The following MPPED1 variants were observed in gnomAD, a reference collection of about 807,000 sequenced individuals.
MPPED1 encodes metallophosphoesterase domain containing 1.
A neutral mutation model predicts 36.2 loss-of-function variants in MPPED1; 16 were observed. The ratio of observed to expected loss-of-function variants is 0.44; its 90% CI spans 0.30 to 0.67. The LOEUF (loss-of-function observed/expected upper bound fraction) is 0.67, where lower values mean the gene tolerates loss of function less well. Among genes scored for constraint, MPPED1 ranks in the 30% least tolerant of loss-of-function variants. MPPED1 has a pLI of 0.10. For missense variants in MPPED1, 307 were observed against 453.4 expected (o/e 0.68, Z 2.93); for synonymous variants, 199 against 191.3 (o/e 1.04, Z -0.33).
intron 4 of MPPED1, among the ~76,000 whole-genome samples, chr22:43,495,299 GTGATGGTGGTGA>G (rs1932232197): frequency 1.4e-5 from 2 of 147,128 alleles, no homozygotes; most frequent in Admixed American, 6.7e-5. Flanking sequence ...GGTGATGGAG[GTGATGGTGGTGA>G]TGGTGGTGGT....
chr22:43,467,477 GTGTGCT>G (rs1931212513), intron 3 of MPPED1, among the ~76,000 whole-genome samples: 1 of 152,224 alleles, frequency 6.6e-6, no homozygotes, highest in Non-Finnish European at 1.5e-5. Context: ...AGTCTTCTGT[GTGTGCT>G]TGGCCGTGTG....
chr22:43,464,954 GC>G (rs1422279378), intron 3 of MPPED1, among the ~76,000 whole-genome samples: 1 of 152,196 alleles, frequency 6.6e-6, no homozygotes, highest in African/African-American at 2.4e-5. Context: ...CTATACAAGG[GC>G]CCCTTGGTTC....
chr22:43,446,644 G>A (rs575957959), intron 3 of MPPED1, among the ~76,000 whole-genome samples: 1 of 152,278 alleles, frequency 6.6e-6, no homozygotes, highest in East Asian at 1.9e-4. Context: ...GGGAAGCTTG[G>A]GGGGCTTCAT....
chr22:43,499,688 G>T (rs1482292933), intron 5 of MPPED1, among the ~76,000 whole-genome samples: 1 of 141,646 alleles, frequency 7.1e-6, no homozygotes, highest in Non-Finnish European at 1.5e-5. Context: ...TGGTGGTGAT[G>T]GTGGTGGTGG....
intron 1 of MPPED1, among the ~76,000 whole-genome samples, chr22:43,420,640 G>T (rs768666350): frequency 6.6e-6 from 1 of 152,136 alleles, no homozygotes; most frequent in Admixed American, 6.6e-5. Context: ...GACCTCAGGT[G>T]ATCCTCCCGC....
At position 43,436,753 on chromosome 22, in the gene MPPED1, C is replaced by T. The variant is rs143067226; in HGVS notation, c.406+1538C>T. Among the ~76,000 whole-genome samples, 70 of 152,372 alleles carry T rather than the reference C, an allele frequency of 4.6e-4. 3 individuals are homozygous for T. The East Asian group carries it at 0.012, about 26-fold the overall frequency. ...GTTTCCAGGGCAGAGAGGCTGGAGT[C>T]GCTGTGGGCCAAGCCCCCGCTGTGT... On this transcript the variant is annotated intron_variant, in intron 3 of 6. Coordinates refer to ENST00000443721, the MANE Select transcript of MPPED1 (RefSeq NM_001044370.2).
chr22:43,503,170 G>C (rs781414263), intron 6 of MPPED1, among the ~76,000 whole-genome samples: 1 of 152,168 alleles, frequency 6.6e-6, no homozygotes, highest in Non-Finnish European at 1.5e-5. Context: ...CCAGGGCCTG[G>C]CATACAATAG....
rs556343374 is a variant in MPPED1 at position 43,414,418 on chromosome 22, C to T, written c.-79+2260C>T. 6.6e-5 allele frequency among the ~76,000 whole-genome samples: 10 copies of T among 152,168 alleles called. No individual in the cohort carries two copies. In the East Asian group the frequency reaches 1.4e-3, roughly 21 times the overall value. ...AGGAGAAAAATCAGCATTCTGGGTG[C>T]GGGTCTGGACTTCTGGAAAAAAAGA... On this transcript the variant is annotated intron_variant, in intron 1 of 6. Transcript: ENST00000443721.
At chr22:43,482,403 C>T (rs1158988250) in intron 4 of MPPED1, among the ~76,000 whole-genome samples, 1 of 152,080 alleles carries the variant, frequency 6.6e-6, no homozygotes, top group Non-Finnish European at 1.5e-5. Flanking sequence ...CACTGTCTCC[C>T]GGCAGGGCTG....
Position 43,505,481 on chromosome 22 carries a change from A to C in MPPED1, c.863-17A>C. 1.3e-6 allele frequency: 2 copies of C among 1,593,414 alleles called. No individual in the cohort carries two copies. The highest frequency in any genetic ancestry group is 1.1e-5 in the South Asian group (1 of 87,348). On this transcript the variant is annotated splice_polypyrimidine_tract_variant and intron_variant, in intron 6 of 6. Transcript: ENST00000443721. ...TACTCTGGCTGCTGGCCTGATGGGC[A>C]TGTGCTTACTTTCCAGGGTATGGTG...
chr22:43,412,662 C>G (rs376309453), intron 1 of MPPED1, among the ~76,000 whole-genome samples: 1 of 129,612 alleles, frequency 7.7e-6, no homozygotes, highest in Non-Finnish European at 1.6e-5. Flanking sequence ...CCATTCATCC[C>G]TCCCTCCCAT....
intron 1 of MPPED1, chr22:43,417,711 A>G (rs1373585399): frequency 5.0e-6 from 1 of 198,708 alleles, no homozygotes; most frequent in East Asian, 1.3e-4. Context: ...CCACATTGCA[A>G]CAAAAGCCCT....
intron 4 of MPPED1, among the ~76,000 whole-genome samples, chr22:43,493,857 T>C (rs1021994446): frequency 1.3e-5 from 2 of 151,950 alleles, no homozygotes; most frequent in African/African-American, 4.8e-5. Flanking sequence ...GGGGAGGTGA[T>C]GTGGGGATGG....
intron 3 of MPPED1, among the ~76,000 whole-genome samples, chr22:43,465,616 G>A (rs1325494102): frequency 6.6e-6 from 1 of 152,216 alleles, no homozygotes; most frequent in African/African-American, 2.4e-5. Flanking sequence ...TGAGAAGCAC[G>A]TCCCTGGGTG....
intron 2 of MPPED1, among the ~76,000 whole-genome samples, chr22:43,427,094 G>A (rs1929504209): frequency 6.6e-6 from 1 of 152,240 alleles, no homozygotes; most frequent in Admixed American, 6.5e-5. Flanking sequence ...GGCAAGGAGA[G>A]AGCAGCAAGG....
At chr22:43,420,054 T>G (rs928347098) in intron 1 of MPPED1, among the ~76,000 whole-genome samples, 2 of 152,146 alleles carry the variant, frequency 1.3e-5, no homozygotes, top group Non-Finnish European at 2.9e-5. Flanking sequence ...AGTCTCCCAC[T>G]CTGGGTTCAC....
At chr22:43,441,970 C>T (rs1366133240) in intron 3 of MPPED1, among the ~76,000 whole-genome samples, 2 of 152,130 alleles carry the variant, frequency 1.3e-5, no homozygotes, top group Non-Finnish European at 2.9e-5. Context: ...AAGTGGAGGT[C>T]GGGGGCTTCA....
chr22:43,495,485 G>A (rs1163957781), intron 4 of MPPED1, among the ~76,000 whole-genome samples: 4 of 32,402 alleles, frequency 1.2e-4, no homozygotes, highest in African/African-American at 6.8e-4. Flanking sequence ...GGAGGTGGTG[G>A]TGGAGGTAGT....
At chr22:43,460,393 C>A (rs1457003857) in intron 3 of MPPED1, among the ~76,000 whole-genome samples, 1 of 151,340 alleles carries the variant, frequency 6.6e-6, no homozygotes, top group South Asian at 2.1e-4. Flanking sequence ...TGCAGTGGCA[C>A]AATCGTGGCT....
Sources: allele counts gnomAD v4.1 joint callset (sites outside exome capture counted in the v4.1 genomes callset), GRCh38; gene constraint gnomAD v4.1.1; transcripts MANE v1.5; gene names NCBI Gene and HGNC (gene_info 2026-07-23, HGNC 2026-07-21).